CAPN2: variants seen among roughly 807,000 people sequenced by gnomAD.
CAPN2 encodes the protein calpain-2 catalytic subunit.
A neutral mutation model predicts 102.3 loss-of-function variants in CAPN2; 92 were observed. That is an observed-to-expected ratio of 0.90 (90% CI 0.76 to 1.07). The LOEUF (loss-of-function observed/expected upper bound fraction) is 1.07. Ranked by LOEUF, CAPN2 falls within the 50% of genes least tolerant of loss-of-function variation. The pLI is 0.00. For synonymous variants in CAPN2, 340 were observed against 355.4 expected (o/e 0.96, Z 0.49); for missense variants, 800 against 909.4 (o/e 0.88, Z 1.55).
At chr1:223,744,058 T>C (rs771507730) in intron 2 of CAPN2, 42 bp from the exon 3 acceptor site, 2 of 1,345,242 alleles carry the variant, frequency 1.5e-6, no homozygotes, top group Admixed American at 3.4e-5. Context: ...TCCTCCTGGT[T>C]CTAAGACCCT....
Position 223,769,926 on chromosome 1 carries a change from G to A in CAPN2, c.1824+17G>A, listed in dbSNP as rs1661429326. ...AAATACCAAGTAAGATCCCAGAGAT[G>A]CGGGTGGATCTGTGTTGGGAAACAT... On this transcript the variant is annotated intron_variant, in intron 17 of 20. Coordinates refer to ENST00000295006, the MANE Select transcript of CAPN2 (RefSeq NM_001748.5). 1 of 1,569,672 alleles carries A rather than the reference G, an allele frequency of 6.4e-7. No individual in the cohort carries two copies. The highest frequency in any genetic ancestry group is 1.4e-5 in the African/African-American group (1 of 74,028).
intron 1 of CAPN2, among the ~76,000 whole-genome samples, chr1:223,704,632 G>A (rs946630624): frequency 6.6e-6 from 1 of 152,166 alleles, no homozygotes; most frequent in Non-Finnish European, 1.5e-5. Flanking sequence ...ACCAAAGGGA[G>A]CCATAGCTGA....
chr1:223,734,056 T>G (rs1252588764), intron 2 of CAPN2, among the ~76,000 whole-genome samples: 1 of 152,106 alleles, frequency 6.6e-6, no homozygotes, highest in Non-Finnish European at 1.5e-5. Context: ...CCTTCTGTTA[T>G]GTGAGGAGAA....
chr1:223,719,920 A>G (rs911063829), intron 2 of CAPN2, among the ~76,000 whole-genome samples: 4 of 152,176 alleles, frequency 2.6e-5, no homozygotes, highest in Admixed American at 1.3e-4. Context: ...AATCTGTGAA[A>G]TGTGGTATAC....
At chr1:223,769,820 G>A in intron 16 of CAPN2, 21 bp from the exon 17 acceptor site, 1 of 1,594,342 alleles carries the variant, frequency 6.3e-7, no homozygotes, top group Non-Finnish European at 8.6e-7. Context: ...ACACTCAAGG[G>A]CTTTCCTTGA....
chr1:223,707,354 T>C (rs1453736071), intron 1 of CAPN2, among the ~76,000 whole-genome samples: 2 of 152,144 alleles, frequency 1.3e-5, no homozygotes, highest in African/African-American at 4.8e-5. Context: ...TAATCCCAGC[T>C]GTTTCTGACT....
chr1:223,732,009 A>AG (rs1240183497), intron 2 of CAPN2, among the ~76,000 whole-genome samples: 1 of 152,170 alleles, frequency 6.6e-6, no homozygotes, highest in Non-Finnish European at 1.5e-5. Flanking sequence ...AAAGAGAAGG[A>AG]GGGGGCTCTT....
intron 9 of CAPN2, 131 bp downstream of exon 9, chr1:223,753,087 C>T (rs1484412993): frequency 2.6e-6 from 2 of 776,322 alleles, no homozygotes; most frequent in Admixed American, 2.4e-5. Context: ...CTGGAACCCT[C>T]TCTGTCTTCT....
intron 2 of CAPN2, among the ~76,000 whole-genome samples, chr1:223,723,171 G>C (rs1024255712): frequency 6.6e-6 from 1 of 152,064 alleles, no homozygotes; most frequent in Non-Finnish European, 1.5e-5. Flanking sequence ...AAAATTACCT[G>C]GGCTTGGTGG....
chr1:223,750,859 T>G, intron 6 of CAPN2, 31 bp from the exon 7 acceptor site: 1 of 1,546,956 alleles, frequency 6.5e-7, no homozygotes. Flanking sequence ...GAACTCAACC[T>G]CTTACTCCTC....
rs772462625 is a variant in CAPN2 at position 223,772,256 on chromosome 1, C to CACA, written c.2079+17_2079+18insACA. The CACA allele has an allele frequency of 7.4e-5, 120 of 1,611,034 alleles. 1 individual carries two copies. In the Admixed American group the frequency reaches 2.0e-3, roughly 26 times the overall value. On this transcript the variant is annotated intron_variant, in intron 20 of 20. Coordinates refer to ENST00000295006, the MANE Select transcript of CAPN2 (RefSeq NM_001748.5). ...CTTATCTCTGTGAGTCAGCAGGCCC[C>CACA]GCCTTGCTTCTAAGGGGATGGGGGA...
At chr1:223,732,038 C>T (rs935683203) in intron 2 of CAPN2, among the ~76,000 whole-genome samples, 2 of 152,280 alleles carry the variant, frequency 1.3e-5, no homozygotes, top group East Asian at 1.9e-4. Context: ...GACACCTTCA[C>T]CCCGAGCCAT....
intron 1 of CAPN2, 33 bp downstream of exon 1, chr1:223,712,910 G>A (rs2275877): frequency 0.053 from 78,126 of 1,464,034 alleles, 4,399 homozygotes; most frequent in East Asian, 0.22. Context: ...CGGGCAGGGC[G>A]GGGTGCCGGG....
intron 14 of CAPN2, among the ~76,000 whole-genome samples, chr1:223,763,739 G>A (rs1661244062): frequency 6.6e-6 from 1 of 152,180 alleles, no homozygotes; most frequent in Non-Finnish European, 1.5e-5. Context: ...CTACAGCAAA[G>A]AAATGGTGAG....
At chr1:223,728,342 G>T (rs979937832) in intron 2 of CAPN2, among the ~76,000 whole-genome samples, 1 of 152,148 alleles carries the variant, frequency 6.6e-6, no homozygotes, top group Non-Finnish European at 1.5e-5. Flanking sequence ...CAGGGGTCCA[G>T]GGATCTCTGT....
chr1:223,712,937 C>A (rs931587500), intron 1 of CAPN2, 60 bp downstream of exon 1: 47 of 1,221,566 alleles, frequency 3.8e-5, no homozygotes, highest in Non-Finnish European at 4.0e-5. Context: ...GGGGTGCAGG[C>A]CGGCCCGCGG....
intron 2 of CAPN2, among the ~76,000 whole-genome samples, chr1:223,734,745 C>T (rs1009301798): frequency 1.2e-4 from 19 of 152,310 alleles, no homozygotes; most frequent in East Asian, 9.6e-4. Context: ...TCAGTTTCCA[C>T]GCCTATAAAA....
At chr1:223,745,800 G>A (rs12563291) in intron 4 of CAPN2, among the ~76,000 whole-genome samples, 9,478 of 152,274 alleles carry the variant, frequency 0.062, 342 homozygotes, top group Non-Finnish European at 0.086. Context: ...AACAAGTTAT[G>A]GTACTGATTG....
chr1:223,762,562 T>A (rs1279079633), intron 14 of CAPN2, among the ~76,000 whole-genome samples: 1 of 152,220 alleles, frequency 6.6e-6, no homozygotes. Flanking sequence ...GCATGAAACT[T>A]GGCCCCTTAT....
Sources: gnomAD v4.1 joint callset for allele counts (sites outside exome capture counted in the v4.1 genomes callset) on GRCh38, gnomAD v4.1.1 for gene constraint, MANE v1.5 for transcripts, NCBI Gene and HGNC (gene_info 2026-07-23, HGNC 2026-07-21) for gene names.